FCMR: variants seen among roughly 807,000 people sequenced by gnomAD.
The protein encoded by FCMR is Fc mu receptor, also known as immunoglobulin mu Fc receptor.
In FCMR, 34 loss-of-function variants were observed where a neutral mutation model predicts 41.6. The observed-to-expected ratio is 0.82, with a 90% confidence interval of 0.62 to 1.09. The LOEUF (loss-of-function observed/expected upper bound fraction) is 1.09, where lower values mean the gene tolerates loss of function less well. Among genes scored for constraint, FCMR ranks in the 50% least tolerant of loss-of-function variants. FCMR has a pLI of 0.00. For synonymous variants in FCMR, 209 were observed against 211.8 expected, an observed-to-expected ratio of 0.99 and a Z score of 0.12; for missense variants, 496 against 512.5, an observed-to-expected ratio of 0.97 and a Z score of 0.31.
In FCMR at chr1:206,904,986, C is replaced by T. The variant is rs56268528; in HGVS notation, c.*33G>A. Reference sequence around the variant, plus strand: ...GATGAGACTCCTTGGCACCACAGTCCGAGCCTGGGGTTGGGGGATAGCTGG... The same window carrying T: ...GATGAGACTCCTTGGCACCACAGTCTGAGCCTGGGGTTGGGGGATAGCTGG... On this transcript the variant is annotated 3_prime_UTR_variant, in exon 8 of 8. Coordinates refer to ENST00000367091, the MANE Select transcript of FCMR (RefSeq NM_005449.5). 4.3e-3 allele frequency: 6,871 copies of T among 1,611,164 alleles called. 18 individuals are homozygous for T. The highest frequency in any genetic ancestry group is 5.3e-3 in the Non-Finnish European group (6,295 of 1,178,292).
At chr1:206,912,660 G>A (rs1678993939) in intron 3 of FCMR, among the ~76,000 whole-genome samples, 1 of 152,210 alleles carries the variant, frequency 6.6e-6, no homozygotes, top group South Asian at 2.1e-4. Context: ...TGTGAGTGGA[G>A]CACAAACATC....
rs1050498129 is a variant in FCMR at position 206,914,148 on chromosome 1, G to A, written c.38-54C>T. On this transcript the variant is annotated intron_variant, in intron 1 of 7. Coordinates refer to ENST00000367091, the MANE Select transcript of FCMR (RefSeq NM_005449.5). ...GAGCCCCATCTCTAACTATATCCCA[G>A]CCCCATCTACTTCCCAGCTCCAGCC... The A allele has an allele frequency of 6.5e-6, 9 of 1,389,694 alleles. No homozygotes were observed. In the East Asian group the frequency reaches 2.1e-4, roughly 32 times the overall value. 86.1% of individuals were successfully genotyped at this position (1,389,694 alleles called of 1,614,324 possible). A position where few individuals can be genotyped will look rare whatever the true frequency, so the allele number is the denominator to read the frequency against.
rs1678517752 is a variant in FCMR, at chr1:206,904,160, T to C, written c.*859A>G. On this transcript the variant is annotated 3_prime_UTR_variant, in exon 8 of 8. Transcript: ENST00000367091. ...TTTCCTTCCCCTGCTTGCTATACAT[T>C]GTCTGGAACTGGCTAAGAAATGGGG... 3 of 152,262 alleles carry C rather than the reference T, an allele frequency of 2.0e-5. No individual in the cohort carries two copies. The highest frequency in any genetic ancestry group is 7.2e-5 in the African/African-American group (3 of 41,424). 9.4% of individuals were successfully genotyped at this position (152,262 alleles called of 1,614,324 possible). A position where few individuals can be genotyped will look rare whatever the true frequency, so the allele number is the denominator to read the frequency against.
chr1:206,922,110 C>T, upstream of FCMR: 2 of 545,692 alleles, frequency 3.7e-6, no homozygotes, highest in South Asian at 2.2e-5. Context: ...AAAGGGTCAC[C>T]CTGTTCAAAA....
intron 1 of FCMR, among the ~76,000 whole-genome samples, chr1:206,918,905 GAGTACAA>G (rs1169811488): frequency 6.6e-6 from 1 of 152,042 alleles, no homozygotes; most frequent in Admixed American, 6.5e-5. Context: ...CCTGGAGTAG[GAGTACAA>G]ATTAAAGCCC....
Position 206,913,755 on chromosome 1 carries a change from C to G in FCMR, c.373+4G>C. On this transcript the variant is annotated splice_donor_region_variant and intron_variant, in intron 2 of 7. Coordinates refer to ENST00000367091, the MANE Select transcript of FCMR (RefSeq NM_005449.5). ...CTGAGCCTCCAATCAGCGGAGGAAC[C>G]TACCACTGTGGACATTCAGGGTGAC... is the stretch of plus-strand genomic sequence containing the variant. 1.2e-5 allele frequency: 20 copies of G among 1,612,876 alleles called. No homozygotes were observed. The highest frequency in any genetic ancestry group is 1.7e-5 in the Non-Finnish European group (20 of 1,178,924).
Position 206,904,332 on chromosome 1 carries a change from G to A in FCMR, c.*687C>T, listed in dbSNP as rs1678526960. ...TTTTTTTTTAGAGGGGAGATGCTGA[G>A]GTCAGGGCACTTATGTGCATCAAGT... On this transcript the variant is annotated 3_prime_UTR_variant, in exon 8 of 8. Coordinates refer to ENST00000367091, the MANE Select transcript of FCMR (RefSeq NM_005449.5). 1.3e-5 allele frequency: 2 copies of A among 151,056 alleles called. No homozygotes were observed. Among genetic ancestry groups the A allele is most frequent in the Admixed American group, 1.3e-4 (2 of 15,222 alleles). 9.4% of individuals were successfully genotyped at this position (151,056 alleles called of 1,614,324 possible). A position where few individuals can be genotyped will look rare whatever the true frequency, so the allele number is the denominator to read the frequency against.
intron 7 of FCMR, chr1:206,907,596 C>A: frequency 1.5e-6 from 1 of 688,710 alleles, no homozygotes; most frequent in South Asian, 1.4e-5. Context: ...AAGGGATTTT[C>A]TTTTCCCAGG....
intron 4 of FCMR, 37 bp from the exon 5 acceptor site, chr1:206,910,377 A>G (rs777405504): frequency 6.1e-6 from 9 of 1,483,606 alleles, no homozygotes; most frequent in Middle Eastern, 1.7e-4. Context: ...GGAGGAAGAG[A>G]TTATTAAAGG....
chr1:206,912,244 C>A (rs1357553733), intron 3 of FCMR, among the ~76,000 whole-genome samples: 1 of 152,216 alleles, frequency 6.6e-6, no homozygotes, highest in African/African-American at 2.4e-5. Context: ...TATTCCCAAT[C>A]TGCCTTGTGC....
Position 206,909,662 on chromosome 1 carries a change from C to A in FCMR, c.985+63G>T. The A allele has an allele frequency of 7.4e-7, 1 of 1,355,156 alleles. No homozygotes were observed. Among genetic ancestry groups the A allele is most frequent in the Non-Finnish European group, 9.4e-7 (1 of 1,060,026 alleles). 83.9% of individuals were successfully genotyped at this position (1,355,156 alleles called of 1,614,324 possible). ...GCACCTGGGAGCGCGCCCCGCTGCG[C>A]CCGGCTTTCCCGGAGCCAGCGCACT... On this transcript the variant is annotated intron_variant, in intron 6 of 7. Transcript: ENST00000367091. This position sits in a 1 kb window ranked among gnomAD's most constrained non-coding sequence, Gnocchi z 5.0.
At chr1:206,910,577 T>C (rs909246645) in intron 4 of FCMR, among the ~76,000 whole-genome samples, 5 of 152,148 alleles carry the variant, frequency 3.3e-5, no homozygotes, top group Non-Finnish European at 7.4e-5. Flanking sequence ...TCCTAACCTC[T>C]CTGAGCCTTA....
Position 206,904,629 on chromosome 1 carries a change from C to T in FCMR, c.*390G>A, listed in dbSNP as rs941596509. 5 of 227,350 alleles carry T rather than the reference C, an allele frequency of 2.2e-5. No homozygotes were observed. The highest frequency in any genetic ancestry group is 1.0e-4 in the East Asian group (1 of 9,928). The allele number at this position is 227,350 out of a possible 1,614,324, so 14.1% of individuals were successfully genotyped here. A position where few individuals can be genotyped will look rare whatever the true frequency, so the allele number is the denominator to read the frequency against. ...AAGACCCAACCCTGGGAAGGATGCCCGAGACAATAGCTATGCCTCTGCCCC... is the reference window on the plus strand; with the variant it reads ...AAGACCCAACCCTGGGAAGGATGCCTGAGACAATAGCTATGCCTCTGCCCC... On this transcript the variant is annotated 3_prime_UTR_variant, in exon 8 of 8. Transcript: ENST00000367091.
chr1:206,913,100 G>T, intron 2 of FCMR, 58 bp from the exon 3 acceptor site: 1 of 1,331,960 alleles, frequency 7.5e-7, no homozygotes, highest in Non-Finnish European at 1.1e-6. Flanking sequence ...AGGCTTGGGT[G>T]TAAACTGAAG....
At chr1:206,907,103 T>TGGG (rs75679471) in intron 7 of FCMR, among the ~76,000 whole-genome samples, 4 of 43,350 alleles carry the variant, frequency 9.2e-5, no homozygotes, top group Admixed American at 2.3e-4. Context: ...GGTGGGGGGG[T>TGGG]GGGGGGGGGG....
At position 206,921,809 on chromosome 1, in the gene FCMR, G is replaced by C; in HGVS notation, c.37+9C>G. ...TCAGAGGTCTGAAGTGTTTCCCCACGGTACTTACCTGGCAGGAAGTAAAGT... is the reference window on the plus strand; with the variant it reads ...TCAGAGGTCTGAAGTGTTTCCCCACCGTACTTACCTGGCAGGAAGTAAAGT... On this transcript the variant is annotated intron_variant, in intron 1 of 7. Coordinates refer to ENST00000367091, the MANE Select transcript of FCMR (RefSeq NM_005449.5). 9.3e-6 allele frequency: 15 copies of C among 1,613,202 alleles called. No individual in the cohort carries two copies. The highest frequency in any genetic ancestry group is 1.3e-5 in the Non-Finnish European group (15 of 1,179,168).
intron 4 of FCMR, 94 bp from the exon 5 acceptor site, chr1:206,910,434 G>A: frequency 9.7e-7 from 1 of 1,025,754 alleles, no homozygotes; most frequent in Non-Finnish European, 1.3e-6. Flanking sequence ...TTTTGGAGAT[G>A]ACTTACAGGT....
chr1:206,908,461 C>T (rs1678776725), intron 7 of FCMR, among the ~76,000 whole-genome samples: 1 of 152,156 alleles, frequency 6.6e-6, no homozygotes, highest in Admixed American at 6.5e-5. Flanking sequence ...GAAGAGCAAC[C>T]AGTTACTATT....
intron 2 of FCMR, 65 bp from the exon 3 acceptor site, chr1:206,913,107 G>C: frequency 7.8e-7 from 1 of 1,288,858 alleles, no homozygotes; most frequent in Non-Finnish European, 1.1e-6. Flanking sequence ...GGTGTAAACT[G>C]AAGCTAATTC....
Sources: gnomAD v4.1 joint callset for allele counts (sites outside exome capture counted in the v4.1 genomes callset) on GRCh38, gnomAD v4.1.1 for gene constraint, Gnocchi (gnomAD v3.1) non-coding constraint, MANE v1.5 for transcripts, NCBI Gene and HGNC (gene_info 2026-07-23, HGNC 2026-07-21) for gene names.